The following COL5A3 variants were observed in gnomAD, a reference collection of about 807,000 sequenced individuals.
COL5A3 encodes collagen type V alpha 3 chain, also known as collagen alpha-3(V) chain.
COL5A3 carries 172 observed loss-of-function variants against 250.0 expected under a neutral mutation model. The ratio of observed to expected loss-of-function variants is 0.69; its 90% CI spans 0.61 to 0.78. The LOEUF (loss-of-function observed/expected upper bound fraction) is 0.78. Ranked by LOEUF, COL5A3 falls within the 30% of genes least tolerant of loss-of-function variation. The pLI is 0.00. For missense variants in COL5A3, 2,340 were observed against 2,334.4 expected, an observed-to-expected ratio of 1.00 and a Z score of -0.05; for synonymous variants, 937 against 900.4, an observed-to-expected ratio of 1.04 and a Z score of -0.73.
chr19:9,960,840 G>C lies in COL5A3; in HGVS notation c.4902C>G (p.Asn1634Lys). Residue 1634 changes from asparagine to lysine, a missense_variant, in exon 66 of 67, where the codon AAC becomes AAG. By Grantham distance (94) the Asn-to-Lys change is moderately conservative. Coordinates refer to ENST00000264828, the MANE Select transcript of COL5A3 (RefSeq NM_015719.4). ...CTGTGGCACTCAGCAGTTTCAGGAA[G>C]TTCAGCTGCACGACATTCACTGGGG... ...DGSPVNVVQL[N>K]FLKLLSATAR... 2 of 1,612,194 alleles carry C rather than the reference G, an allele frequency of 1.2e-6. No homozygotes were observed. Among genetic ancestry groups the C allele is most frequent in the Non-Finnish European group, 1.7e-6 (2 of 1,180,032 alleles).
intron 53 of COL5A3, 108 bp downstream of exon 53, chr19:9,970,866 GC>G: frequency 9.2e-7 from 1 of 1,084,914 alleles, no homozygotes; most frequent in South Asian, 1.8e-5. Context: ...GGGAGCATCT[GC>G]AGGGGCCTTG....
intron 26 of COL5A3, 57 bp from the exon 27 acceptor site, chr19:9,989,234 C>G (rs2287805): frequency 1.4e-5 from 22 of 1,598,424 alleles, no homozygotes; most frequent in Middle Eastern, 1.7e-4. Context: ...ATTCTAAGAG[C>G]CCTCATCTCT....
At chr19:9,992,363 C>T (rs965640055) in intron 21 of COL5A3, among the ~76,000 whole-genome samples, 2 of 151,450 alleles carry the variant, frequency 1.3e-5, no homozygotes, top group Non-Finnish European at 1.5e-5. Flanking sequence ...GAGCAGAGAT[C>T]GTGCCATTGC....
At chr19:9,997,511 T>G in intron 10 of COL5A3, 78 bp from the exon 11 acceptor site, 3 of 937,448 alleles carry the variant, frequency 3.2e-6, no homozygotes, top group Non-Finnish European at 4.9e-6. Flanking sequence ...CCACTGACTC[T>G]AACCTCAGGC....
rs116488547 is a variant in COL5A3, at chr19:10,010,427, G to T, written c.-42C>A. 699 of 1,281,234 alleles carry T rather than the reference G, an allele frequency of 5.5e-4. 2 individuals carry two copies. The African/African-American group carries it at 9.8e-3, about 18-fold the overall frequency. 79.4% of individuals were successfully genotyped at this position (1,281,234 alleles called of 1,614,324 possible). ...GGCAAGGCGGGGAACCAGTCGGGGC[G>T]GCTGCGGGGCGCGGCGACTTCTCGG... is the stretch of plus-strand genomic sequence containing the variant. On this transcript the variant is annotated 5_prime_UTR_variant, in exon 1 of 67. Transcript: ENST00000264828.
chr19:10,010,048 C>T (rs2087505954), intron 1 of COL5A3, among the ~76,000 whole-genome samples: 1 of 152,182 alleles, frequency 6.6e-6, no homozygotes, highest in African/African-American at 2.4e-5. Flanking sequence ...CACACATGCA[C>T]ACACCTGCAC....
chr19:9,993,150 G>A, intron 19 of COL5A3, 83 bp from the exon 20 acceptor site: 2 of 1,440,810 alleles, frequency 1.4e-6, no homozygotes, highest in South Asian at 2.4e-5. Flanking sequence ...GCCCCTTCCA[G>A]GGGGTCTCGG....
At chr19:9,998,216 C>T in intron 8 of COL5A3, 67 bp from the exon 9 acceptor site, 1 of 1,447,532 alleles carries the variant, frequency 6.9e-7, no homozygotes. Flanking sequence ...CTTCAGTTAT[C>T]TGATCACACA....
chr19:9,960,163 G>A lies in COL5A3; in HGVS notation c.*248C>T. The A allele has an allele frequency of 1.8e-6, 1 of 542,980 alleles. No homozygotes were observed. The allele number at this position is 542,980 out of a possible 1,614,324, so 33.6% of individuals were successfully genotyped here. A position where few individuals can be genotyped will look rare whatever the true frequency, so the allele number is the denominator to read the frequency against. On this transcript the variant is annotated 3_prime_UTR_variant, in exon 67 of 67. Coordinates refer to ENST00000264828, the MANE Select transcript of COL5A3 (RefSeq NM_015719.4). ...GGGAGGTGAGGCTTGGGTGGGGAGG[G>A]AGGGGAGAAAGAGCCAGACTGCAGT...
rs1273929322 is a variant in COL5A3 at position 9,991,721 on chromosome 19, C to G, written c.1947+67G>C. On this transcript the variant is annotated intron_variant, in intron 23 of 66. Transcript: ENST00000264828. The stretch of plus-strand genomic sequence containing the variant: ...AGCGGTGAGTGTGGAGGTTGGGAAG[C>G]CTGGTCACGGTCTAAGGTCTTAACT... The G allele has an allele frequency of 1.3e-5, 21 of 1,600,642 alleles. No homozygotes were observed. The South Asian group carries it at 2.0e-4, about 15-fold the overall frequency.
At chr19:9,998,912 T>C (rs2087311152) in intron 8 of COL5A3, among the ~76,000 whole-genome samples, 1 of 152,004 alleles carries the variant, frequency 6.6e-6, no homozygotes, top group Non-Finnish European at 1.5e-5. Context: ...CTCGAACTCC[T>C]GACTTAGGTG....
chr19:9,961,315 ATG>A (rs1307138520), intron 65 of COL5A3, among the ~76,000 whole-genome samples: 2 of 152,176 alleles, frequency 1.3e-5, no homozygotes, highest in African/African-American at 4.8e-5. Context: ...AGCACTTGAA[ATG>A]TGGCTGATTT....
At chr19:9,972,301 TCATTCACTCGTTCATC>T (rs2086860643) in intron 51 of COL5A3, among the ~76,000 whole-genome samples, 2 of 152,174 alleles carry the variant, frequency 1.3e-5, no homozygotes, top group South Asian at 4.2e-4. Context: ...GTTCATCCAT[TCATTCACTCGTTCATC>T]CATTCACTCA....
chr19:9,967,743 G>C, intron 61 of COL5A3, 161 bp downstream of exon 61: 3 of 677,198 alleles, frequency 4.4e-6, no homozygotes, highest in Non-Finnish European at 7.2e-6. Flanking sequence ...ATGGCATTTT[G>C]GATCTGATGA....
At chr19:9,978,402 T>G (rs2086953645) in intron 41 of COL5A3, among the ~76,000 whole-genome samples, 172 bp downstream of exon 41, 1 of 152,070 alleles carries the variant, frequency 6.6e-6, no homozygotes, top group Non-Finnish European at 1.5e-5. Context: ...TTTTGTATTT[T>G]TAGTAGAGAC....
rs145159875 is a variant in COL5A3 at position 10,001,597 on chromosome 19, C to T, written c.1037G>A (p.Gly346Glu). 17 of 1,613,958 alleles carry T rather than the reference C, an allele frequency of 1.1e-5. No individual in the cohort carries two copies. The African/African-American group carries it at 1.7e-4, about 16-fold the overall frequency. Residue 346 changes from glycine to glutamate, a missense_variant, in exon 8 of 67, where the codon GGA (glycine) becomes GAA (glutamate). This residue lies in a region of COL5A3 where 1,152 missense variants were observed against 1,146.3 expected (regional missense o/e 1.00). Transcript: ENST00000264828. ...ETKAAREDEE[G>E]DDSTMGPDFR... ...GTCAGGGCCCATGGTGGAATCATCT[C>T]CTTCTTCATCCTCCCTGGCTGCCTT...
In COL5A3 at chr19:9,996,110, CG is replaced by C; in HGVS notation, c.1488del (p.His498IlefsTer4). 1.3e-6 allele frequency: 2 copies of C among 1,581,078 alleles called. No individual in the cohort carries two copies. Among genetic ancestry groups the C allele is most frequent in the Non-Finnish European group, 1.7e-6 (2 of 1,165,100 alleles). On this transcript the variant is annotated frameshift_variant, in exon 15 of 67. Transcript: ENST00000264828. LOFTEE classifies it high-confidence loss of function. ...TCCTCTCCTTTCAGACCTGGATGCCCGGGGAGACCCTTGGGGGAGGAGAGAT... is the reference window on the plus strand; with the variant it reads ...TCCTCTCCTTTCAGACCTGGATGCCCGGGAGACCCTTGGGGGAGGAGAGAT... ...LTGRPGPVGL[P>X]GHPGLKGEEG...
At position 9,966,533 on chromosome 19, in the gene COL5A3, C is replaced by T. The variant is rs2086749177; in HGVS notation, c.4669+3G>A. 1 of 1,541,584 alleles carries T rather than the reference C, an allele frequency of 6.5e-7. No homozygotes were observed. Among genetic ancestry groups the T allele is most frequent in the South Asian group, 1.2e-5 (1 of 83,976 alleles). ...TCCAAGTGGCGGGGGGACCGGACCT[C>T]ACCATCAGGCAGGTGCGGGTGGTTG... On this transcript the variant is annotated splice_donor_region_variant and intron_variant, in intron 63 of 66. Coordinates refer to ENST00000264828, the MANE Select transcript of COL5A3 (RefSeq NM_015719.4).
intron 51 of COL5A3, among the ~76,000 whole-genome samples, chr19:9,971,883 T>C (rs1287711488): frequency 8.9e-6 from 1 of 112,310 alleles, no homozygotes; most frequent in Non-Finnish European, 1.9e-5. Flanking sequence ...TACTCACTAA[T>C]TCAAGTGTTA....
Sources: gnomAD v4.1 joint callset for allele counts (sites outside exome capture counted in the v4.1 genomes callset) on GRCh38, gnomAD v4.1.1 for gene constraint, gnomAD v4.1.1 regional missense constraint, MANE v1.5 for transcripts, NCBI Gene and HGNC (gene_info 2026-07-23, HGNC 2026-07-21) for gene names.